SAMD4B: variants seen among roughly 807,000 people sequenced by gnomAD.
SAMD4B encodes the protein protein Smaug homolog 2.
In SAMD4B, 5 loss-of-function variants were observed where a neutral mutation model predicts 74.5. The observed-to-expected ratio is 0.07, with a 90% CI of 0.04 to 0.14. The LOEUF is 0.14. Among genes scored for constraint, SAMD4B ranks in the 10% least tolerant of loss-of-function variants. The pLI, the probability that SAMD4B is intolerant of heterozygous loss-of-function variation, is 1.00. For missense variants in SAMD4B, 608 were observed against 921.8 expected, an observed-to-expected ratio of 0.66 and a Z score of 4.41; for synonymous variants, 373 against 374.9, an observed-to-expected ratio of 1.00 and a Z score of 0.06.
intron 3 of SAMD4B, among the ~76,000 whole-genome samples, chr19:39,368,608 C>G (rs1337643373): frequency 1.3e-5 from 2 of 152,132 alleles, no homozygotes; most frequent in Admixed American, 6.6e-5. Context: ...TTATAAACTC[C>G]TGGTCAGGAA....
intron 4 of SAMD4B, among the ~76,000 whole-genome samples, chr19:39,374,859 T>A (rs760234062): frequency 3.3e-5 from 5 of 152,044 alleles, no homozygotes; most frequent in Non-Finnish European, 4.4e-5. Flanking sequence ...AATAAATTTT[T>A]AAAAAAATAA....
chr19:39,388,817 G>A, downstream of SAMD4B: 2 of 1,614,140 alleles, frequency 1.2e-6, no homozygotes, highest in Non-Finnish European at 1.7e-6. Flanking sequence ...GTGTCCTTGG[G>A]GGCTGGGTCT....
rs2145906733 is a variant in SAMD4B at position 39,383,932 on chromosome 19, T to C, written c.*405T>C. On this transcript the variant is annotated 3_prime_UTR_variant, in exon 14 of 14. Coordinates refer to ENST00000610417, the MANE Select transcript of SAMD4B (RefSeq NM_001384574.2). This position sits in a 1 kb window ranked among gnomAD's most constrained non-coding sequence, Gnocchi z 4.1. ...CCTTGTGGAGCCTGCTCAGAAACATTTGACATTTGGGGTGACGCGCAGGGC... is the reference window on the plus strand; with the variant it reads ...CCTTGTGGAGCCTGCTCAGAAACATCTGACATTTGGGGTGACGCGCAGGGC... The C allele has an allele frequency of 7.0e-6, 4 of 569,362 alleles. No individual in the cohort carries two copies. The East Asian group carries it at 1.1e-4, about 16-fold the overall frequency. 35.3% of individuals were successfully genotyped at this position (569,362 alleles called of 1,614,324 possible).
intron 4 of SAMD4B, among the ~76,000 whole-genome samples, chr19:39,372,225 C>T (rs542120824): frequency 3.9e-4 from 60 of 152,236 alleles, no homozygotes; most frequent in African/African-American, 1.4e-3. Flanking sequence ...ACAGACAGAT[C>T]TGGCTGGGGT....
rs565475459 is a variant in SAMD4B, at chr19:39,376,942, C to T, written c.1104+151C>T. ...CAGACTTCAGGGACCACATGCAAGCCGGCATCAAAAGGCTCACTTGCTGGT... is the reference window on the plus strand; with the variant it reads ...CAGACTTCAGGGACCACATGCAAGCTGGCATCAAAAGGCTCACTTGCTGGT... On this transcript the variant is annotated intron_variant, in intron 7 of 13. Transcript: ENST00000610417. 61 of 634,498 alleles carry T rather than the reference C, an allele frequency of 9.6e-5. 1 individual carries two copies. In the South Asian group the frequency reaches 1.1e-3, roughly 11 times the overall value. The allele number at this position is 634,498 out of a possible 1,614,324, so 39.3% of individuals were successfully genotyped here.
intron 1 of SAMD4B, among the ~76,000 whole-genome samples, chr19:39,345,220 C>T (rs1299571336): frequency 2.0e-5 from 3 of 152,180 alleles, no homozygotes; most frequent in Non-Finnish European, 1.5e-5. Flanking sequence ...GGGTATGCCT[C>T]TGTGCCCTAC....
In SAMD4B at chr19:39,370,005, C is replaced by T. The variant is rs150025478; in HGVS notation, c.547C>T (p.Pro183Ser). 1.2e-6 allele frequency: 2 copies of T among 1,613,174 alleles called. No individual in the cohort carries two copies. Among genetic ancestry groups the T allele is most frequent in the East Asian group, 2.2e-5 (1 of 44,824 alleles). ...DEWGGPAELG[P>S]GEAGPGWQDK... is the part of the protein sequence containing the mutation. Reference sequence around the variant, plus strand: ...GTGGGGGGGCCCTGCAGAGCTAGGCCCTGGGGAGGCAGGGCCAGGCTGGCA... The same window carrying T: ...GTGGGGGGGCCCTGCAGAGCTAGGCTCTGGGGAGGCAGGGCCAGGCTGGCA... The change falls in exon 4 of 14, where the codon CCT becomes TCT. Residue 183 changes from proline to serine, a missense_variant. Pro to Ser is a moderately conservative substitution (Grantham distance 74). Around this residue, in one of 9 missense-constraint regions of SAMD4B, gnomAD observed 153 missense variants for 153.0 expected, o/e 1.00. Coordinates refer to ENST00000610417, the MANE Select transcript of SAMD4B (RefSeq NM_001384574.2).
At chr19:39,374,386 G>A (rs774518143) in intron 4 of SAMD4B, among the ~76,000 whole-genome samples, 2 of 152,188 alleles carry the variant, frequency 1.3e-5, no homozygotes, top group Non-Finnish European at 2.9e-5. Flanking sequence ...TGAGTGGCCA[G>A]TTTGGGCTCA....
chr19:39,349,427 A>G (rs989948873), intron 1 of SAMD4B, among the ~76,000 whole-genome samples: 4 of 152,150 alleles, frequency 2.6e-5, no homozygotes, highest in African/African-American at 7.2e-5. Context: ...AGCTCCCCAT[A>G]CTGTACTTAT....
downstream of SAMD4B, chr19:39,390,048 T>A (rs763809783): frequency 6.3e-7 from 1 of 1,592,090 alleles, no homozygotes; most frequent in East Asian, 2.2e-5. Context: ...CCTGAGTAGT[T>A]TTCCCATTCC....
chr19:39,349,231 G>A (rs977931795), intron 1 of SAMD4B, among the ~76,000 whole-genome samples: 2 of 152,218 alleles, frequency 1.3e-5, no homozygotes, highest in Non-Finnish European at 2.9e-5. Flanking sequence ...TCAAAAAAAT[G>A]TCTCAGTTGT....
intron 3 of SAMD4B, among the ~76,000 whole-genome samples, chr19:39,362,317 G>T: frequency 6.6e-6 from 1 of 152,176 alleles, no homozygotes; most frequent in East Asian, 1.9e-4. Flanking sequence ...CTGATTTTGG[G>T]TAGGCCCGGG....
intron 2 of SAMD4B, among the ~76,000 whole-genome samples, chr19:39,355,269 G>A (rs781536899): frequency 2.0e-5 from 3 of 152,152 alleles, no homozygotes; most frequent in South Asian, 2.1e-4. Flanking sequence ...ATTGCTGGAC[G>A]CTTGTTTAAC....
In SAMD4B at chr19:39,342,487, AG is replaced by A; in HGVS notation, c.-352del. 1 of 171,580 alleles carries A rather than the reference AG, an allele frequency of 5.8e-6. No individual in the cohort carries two copies. Among genetic ancestry groups the A allele is most frequent in the Non-Finnish European group, 1.2e-5 (1 of 86,512 alleles). 10.6% of individuals were successfully genotyped at this position (171,580 alleles called of 1,614,324 possible). On this transcript the variant is annotated 5_prime_UTR_variant, in exon 1 of 14. Transcript: ENST00000610417. The stretch of plus-strand genomic sequence containing the variant: ...GGCGGTGGTCGGTGCGGGAGGAGGG[AG>A]GGGAGCTTGCGGGCCCGAGAGGGGG...
chr19:39,364,156 A>G (rs1053288509), intron 3 of SAMD4B, among the ~76,000 whole-genome samples: 1 of 152,130 alleles, frequency 6.6e-6, no homozygotes, highest in African/African-American at 2.4e-5. Context: ...ATTGAGCCCA[A>G]CCCTTGGGGC....
At chr19:39,363,233 G>C (rs978968418) in intron 3 of SAMD4B, among the ~76,000 whole-genome samples, 1 of 152,118 alleles carries the variant, frequency 6.6e-6, no homozygotes, top group Non-Finnish European at 1.5e-5. Flanking sequence ...ACATTTATAC[G>C]CACAGCATTC....
At chr19:39,372,753 C>A (rs971540069) in intron 4 of SAMD4B, among the ~76,000 whole-genome samples, 2 of 152,164 alleles carry the variant, frequency 1.3e-5, no homozygotes, top group Admixed American at 6.5e-5. Flanking sequence ...CTCCTGCCTA[C>A]TTCTTGGCTG....
chr19:39,365,319 C>G (rs183964183), intron 3 of SAMD4B, among the ~76,000 whole-genome samples: 3 of 150,924 alleles, frequency 2.0e-5, no homozygotes, highest in Non-Finnish European at 3.0e-5. Flanking sequence ...TTTGGGAGGC[C>G]GAGGCAGGTG....
At position 39,378,041 on chromosome 19, in the gene SAMD4B, G is replaced by A. The variant is rs62119703; in HGVS notation, c.1444+217G>A. 0.072 allele frequency among the ~76,000 whole-genome samples: 10,930 copies of A among 152,258 alleles called. 516 individuals are homozygous for A. The highest frequency in any genetic ancestry group is 0.13 in the African/African-American group (5,528 of 41,538). On this transcript the variant is annotated intron_variant, in intron 8 of 13. Transcript: ENST00000610417. The surrounding 1 kb of genome is among the most constrained non-coding windows in gnomAD (Gnocchi z 4.4). ...GGATAACAGCCCTTCCCCTCAAAGC[G>A]TCTCCAGGCTGAGCAGAAATGGGGC...
Sources: gnomAD v4.1 joint callset for allele counts (sites outside exome capture counted in the v4.1 genomes callset) on GRCh38, gnomAD v4.1.1 for gene constraint, gnomAD v4.1.1 regional missense constraint, Gnocchi (gnomAD v3.1) non-coding constraint, MANE v1.5 for transcripts, NCBI Gene and HGNC (gene_info 2026-07-23, HGNC 2026-07-21) for gene names.